Variants in RBFOX1 observed in about 807,000 individuals in gnomAD.
RBFOX1 encodes RNA binding protein fox-1 homolog 1.
Under a neutral mutation model 57.7 loss-of-function variants are expected in RBFOX1, and 8 were observed. That is an observed-to-expected ratio of 0.14 (90% CI 0.08 to 0.25). The LOEUF is 0.25. Ranked by LOEUF, RBFOX1 falls within the 10% of genes least tolerant of loss-of-function variation. RBFOX1 has a pLI of 1.00. For missense variants in RBFOX1, 611 were observed against 548.5 expected (o/e 1.11, Z -1.14); for synonymous variants, 326 against 222.4 (o/e 1.47, Z -4.15).
intron 2 of RBFOX1, among the ~76,000 whole-genome samples, chr16:5,573,269 C>T (rs775190626): frequency 9.2e-5 from 14 of 152,222 alleles, no homozygotes; most frequent in Admixed American, 3.3e-4. Flanking sequence ...CTGGTGGGGA[C>T]GCTGTCCCTT....
At chr16:7,206,523 C>A (rs574724178) in intron 4 of RBFOX1, among the ~76,000 whole-genome samples, 1 of 151,834 alleles carries the variant, frequency 6.6e-6, no homozygotes, top group Non-Finnish European at 1.5e-5. Flanking sequence ...AAGACACTTG[C>A]AAGCTCTCAA....
intron 1 of RBFOX1, among the ~76,000 whole-genome samples, chr16:6,164,294 A>G (rs2096900098): frequency 6.6e-6 from 1 of 152,190 alleles, no homozygotes; most frequent in South Asian, 2.1e-4. Context: ...TATAAGCCTG[A>G]TAATACTATA....
chr16:5,916,097 C>T (rs2058698192), intron 4 of RBFOX1, among the ~76,000 whole-genome samples: 2 of 152,074 alleles, frequency 1.3e-5, no homozygotes, highest in East Asian at 1.9e-4. Context: ...GGACTTTAAG[C>T]CGTATCTCAA....
chr16:7,141,123 C>T (rs1350992310), intron 4 of RBFOX1, among the ~76,000 whole-genome samples: 1 of 152,126 alleles, frequency 6.6e-6, no homozygotes, highest in Non-Finnish European at 1.5e-5. Context: ...TGCAAAGTGG[C>T]TCTGGCTTTA....
intron 4 of RBFOX1, among the ~76,000 whole-genome samples, chr16:7,110,936 G>A (rs556270746): frequency 1.3e-5 from 2 of 152,212 alleles, no homozygotes; most frequent in East Asian, 3.9e-4. Flanking sequence ...GGACACCAGG[G>A]CATCCATGCT....
chr16:5,561,263 C>G (rs533431831), intron 2 of RBFOX1, among the ~76,000 whole-genome samples: 6 of 151,088 alleles, frequency 4.0e-5, no homozygotes, highest in Non-Finnish European at 7.4e-5. Flanking sequence ...AACCAACTTT[C>G]TTTAAAAAAA....
intron 1 of RBFOX1, among the ~76,000 whole-genome samples, chr16:5,420,132 G>A (rs2067272714): frequency 6.6e-6 from 1 of 152,134 alleles, no homozygotes; most frequent in African/African-American, 2.4e-5. Context: ...TACAGTGACG[G>A]GAAAGTAATA....
At chr16:5,901,523 C>T (rs1333034894) in intron 4 of RBFOX1, among the ~76,000 whole-genome samples, 3 of 152,134 alleles carry the variant, frequency 2.0e-5, no homozygotes, top group Non-Finnish European at 4.4e-5. Flanking sequence ...GGTAGCCACT[C>T]AATGCATGTG....
At chr16:7,357,455 T>TC (rs1316306236) in intron 4 of RBFOX1, among the ~76,000 whole-genome samples, 1 of 152,156 alleles carries the variant, frequency 6.6e-6, no homozygotes, top group African/African-American at 2.4e-5. Context: ...CCAGGTTTTT[T>TC]CCACTTTCTT....
intron 3 of RBFOX1, among the ~76,000 whole-genome samples, chr16:5,656,580 C>T (rs1407344843): frequency 6.6e-6 from 1 of 152,178 alleles, no homozygotes; most frequent in East Asian, 1.9e-4. Context: ...CTAAAAGTTT[C>T]TTCCTGATTG....
intron 2 of RBFOX1, among the ~76,000 whole-genome samples, chr16:6,568,423 CAG>C (rs955848096): frequency 2.6e-5 from 4 of 152,066 alleles, no homozygotes; most frequent in African/African-American, 9.7e-5. Flanking sequence ...AGTTATGAGA[CAG>C]AGAAAGCGGG....
At chr16:6,621,617 G>T (rs562321678) in intron 2 of RBFOX1, among the ~76,000 whole-genome samples, 2 of 152,248 alleles carry the variant, frequency 1.3e-5, no homozygotes, top group East Asian at 3.9e-4. Flanking sequence ...TAGGAAGTGG[G>T]CATATCTTTT....
intron 3 of RBFOX1, among the ~76,000 whole-genome samples, chr16:5,656,285 T>C (rs1207573865): frequency 6.6e-6 from 1 of 152,170 alleles, no homozygotes; most frequent in African/African-American, 2.4e-5. Context: ...ATGAAAAAAG[T>C]AATGTCTCTC....
chr16:5,974,415 C>G (rs1866551333), intron 4 of RBFOX1, among the ~76,000 whole-genome samples: 1 of 151,940 alleles, frequency 6.6e-6, no homozygotes, highest in African/African-American at 2.4e-5. Flanking sequence ...TCGAGACCAG[C>G]CTGGCCAACA....
chr16:6,926,266 C>T lies in RBFOX1; in HGVS notation c.-15-125791C>T, dbSNP rs150716335. Among the ~76,000 whole-genome samples the T allele has an allele frequency of 2.1e-3, 323 of 152,198 alleles. 1 individual carries two copies. Among genetic ancestry groups the T allele is most frequent in the Non-Finnish European group, 2.5e-3 (171 of 68,026 alleles). The stretch of plus-strand genomic sequence containing the variant: ...AGGTTGCAGTGAGCTGAGATCACAC[C>T]ACTGCGCTACAGCCTGGGCAACAGA... On this transcript the variant is annotated intron_variant, in intron 3 of 15. Coordinates refer to ENST00000550418, the MANE Select transcript of RBFOX1 (RefSeq NM_018723.4).
intron 4 of RBFOX1, among the ~76,000 whole-genome samples, chr16:5,870,455 G>A (rs921784325): frequency 1.3e-5 from 2 of 151,706 alleles, no homozygotes; most frequent in African/African-American, 4.8e-5. Context: ...ATGATGGGGT[G>A]GGGGAATGGT....
At chr16:5,959,797 G>A (rs754717520) in intron 4 of RBFOX1, among the ~76,000 whole-genome samples, 5 of 152,152 alleles carry the variant, frequency 3.3e-5, no homozygotes, top group African/African-American at 7.2e-5. Flanking sequence ...GGCTGACAGA[G>A]CAAGACTCTA....
chr16:7,126,259 A>G (rs927489902), intron 4 of RBFOX1: 8 of 270,322 alleles, frequency 3.0e-5, no homozygotes, highest in South Asian at 9.9e-5. Context: ...TCTCCAGAGT[A>G]TCGTGTGTCT....
chr16:6,807,088 C>T (rs2087026337), intron 3 of RBFOX1, among the ~76,000 whole-genome samples: 1 of 151,682 alleles, frequency 6.6e-6, no homozygotes, highest in East Asian at 1.9e-4. Flanking sequence ...CCTGCTTCAG[C>T]CTCCCAAAGT....
Sources: gnomAD v4.1 joint callset for allele counts (sites outside exome capture counted in the v4.1 genomes callset) on GRCh38, gnomAD v4.1.1 for gene constraint, MANE v1.5 for transcripts, NCBI Gene and HGNC (gene_info 2026-07-23, HGNC 2026-07-21) for gene names.